The following CAPN3 variants were observed in gnomAD, a reference collection of about 807,000 sequenced individuals.
The protein encoded by CAPN3 is calpain-3.
In CAPN3, 88 loss-of-function variants were observed where a neutral mutation model predicts 114.0. The observed-to-expected ratio is 0.77, with a 90% CI of 0.65 to 0.92. CAPN3 has a LOEUF of 0.92. CAPN3 is among the 40% of genes least tolerant of loss of function. CAPN3 has a pLI of 0.00. For synonymous variants in CAPN3, 386 were observed against 382.9 expected (o/e 1.01, Z -0.09); for missense variants, 1,028 against 1,069.0 (o/e 0.96, Z 0.53).
At chr15:42,380,368 CTTTTTTTTTTTTTTT>C (rs776441239) in intron 1 of CAPN3, among the ~76,000 whole-genome samples, 1 of 46,108 alleles carries the variant, frequency 2.2e-5, no homozygotes, top group Non-Finnish European at 3.8e-5. Context: ...TCTTTTTTGT[CTTTTTTTTTTTTTTT>C]TTTTTTTTTT....
intron 15 of CAPN3, 116 bp from the exon 16 acceptor site, chr15:42,408,095 G>A (rs1452855195): frequency 1.1e-5 from 8 of 706,822 alleles, no homozygotes; most frequent in East Asian, 5.6e-5. Context: ...AAGAGCTCCC[G>A]CCTATTCCTT....
At chr15:42,384,644 G>A in intron 2 of CAPN3, 92 bp downstream of exon 2, 1 of 963,370 alleles carries the variant, frequency 1.0e-6, no homozygotes, top group Non-Finnish European at 1.7e-6. Context: ...GACAATCTGT[G>A]CTTGCTTCCA....
chr15:42,410,899 A>C lies in CAPN3; in HGVS notation c.2279A>C (p.Asn760Thr). The C allele has an allele frequency of 6.2e-7, 1 of 1,614,024 alleles. No homozygotes were observed. The change falls in exon 22 of 24, where the codon AAC becomes ACC. Residue 760 changes from asparagine to threonine, a missense_variant. Asn to Thr is a moderately conservative substitution (Grantham distance 65, BLOSUM62 0). Coordinates refer to ENST00000397163, the MANE Select transcript of CAPN3 (RefSeq NM_000070.3). ...AVNDAGFHLN[N>T]QLYDIITMRY... Reference sequence around the variant, plus strand: ...CCCTCCACAGGATTCCACCTCAACAACCAGCTCTATGACATCATTACCATG... The same window carrying C: ...CCCTCCACAGGATTCCACCTCAACACCCAGCTCTATGACATCATTACCATG...
At chr15:42,401,956 A>G (rs2053884777) in intron 11 of CAPN3, 146 bp downstream of exon 11, 3 of 1,335,776 alleles carry the variant, frequency 2.2e-6, no homozygotes, top group Non-Finnish European at 3.2e-6. Flanking sequence ...GTTTGTAACA[A>G]GCAAAAAATA....
chr15:42,392,514 T>C, intron 6 of CAPN3, 125 bp from the exon 7 acceptor site: 1 of 744,570 alleles, frequency 1.3e-6, no homozygotes, highest in Non-Finnish European at 2.4e-6. Context: ...GAGGCACACT[T>C]TCAGGGAGCA....
intron 1 of CAPN3, 41 bp downstream of exon 1, chr15:42,360,155 GGA>G (rs1566966163): frequency 6.2e-7 from 1 of 1,612,732 alleles, no homozygotes. Flanking sequence ...TTCCCCCCAC[GGA>G]GGAGTCCTCT....
rs926738758 is a variant in CAPN3 at position 42,401,149 on chromosome 15, G to A, written c.1355-492G>A. ...GCGGAGGCTGCAGTGAGCCGAGATC[G>A]CGCCACTGCACTCTAGCCTGGGCAA... On this transcript the variant is annotated intron_variant, in intron 10 of 23. Coordinates refer to ENST00000397163, the MANE Select transcript of CAPN3 (RefSeq NM_000070.3). 5.3e-5 allele frequency among the ~76,000 whole-genome samples: 8 copies of A among 151,428 alleles called. No homozygotes were observed. The East Asian group carries it at 7.9e-4, about 15-fold the overall frequency.
intron 10 of CAPN3, 62 bp downstream of exon 10, chr15:42,399,714 T>A: frequency 7.5e-7 from 1 of 1,334,472 alleles, no homozygotes; most frequent in African/African-American, 1.5e-5. Context: ...AGAAGAAGCC[T>A]AACTAGTGCT....
chr15:42,376,942 TA>T (rs2053104201), intron 1 of CAPN3, among the ~76,000 whole-genome samples: 1 of 152,230 alleles, frequency 6.6e-6, no homozygotes, highest in Non-Finnish European at 1.5e-5. Flanking sequence ...ATAAAAGGAA[TA>T]TTTTTAAATT....
intron 1 of CAPN3, chr15:42,374,108 A>G (rs535145829): frequency 6.5e-6 from 1 of 152,790 alleles, no homozygotes; most frequent in South Asian, 2.1e-4. Context: ...AGTTGCCCCT[A>G]GACCACGGGC....
intron 6 of CAPN3, 93 bp downstream of exon 6, chr15:42,390,189 T>C (rs2053519007): frequency 7.1e-7 from 1 of 1,406,396 alleles, no homozygotes; most frequent in African/African-American, 1.4e-5. Context: ...AGCCAGGGCC[T>C]TACCCACACA....
rs2141164979 is a variant in CAPN3, at chr15:42,387,866, G to A, written c.612G>A (p.Leu204=). 2 of 1,614,178 alleles carry A rather than the reference G, an allele frequency of 1.2e-6. No individual in the cohort carries two copies. The highest frequency in any genetic ancestry group is 1.7e-6 in the Non-Finnish European group (2 of 1,180,036). ...ACCGCAATGAGTTCTGGAGTGCTCT[G>A]CTGGAGAAGGCTTATGCTAAGTAAG... ...SNHRNEFWSA[L]LEKAYAKLHG... is the part of the protein sequence containing the mutation. Residue 204 remains leucine (L), a synonymous_variant, in exon 4 of 24, where the codon CTG becomes CTA. Transcript: ENST00000397163.
intron 2 of CAPN3, chr15:42,385,568 CAA>C (rs2053378519): frequency 2.2e-6 from 1 of 455,436 alleles, no homozygotes; most frequent in Admixed American, 2.3e-5. Context: ...AGAAAGAGAG[CAA>C]AGTGTTACCT....
At position 42,412,060 on chromosome 15, in the gene CAPN3, G is replaced by A. The variant is rs1455974189; in HGVS notation, c.*287G>A. The A allele has an allele frequency of 5.9e-6, 9 of 1,528,996 alleles. No individual in the cohort carries two copies. The highest frequency in any genetic ancestry group is 4.1e-5 in the African/African-American group (3 of 72,800). 94.7% of individuals were successfully genotyped at this position (1,528,996 alleles called of 1,614,324 possible). A position where few individuals can be genotyped will look rare whatever the true frequency, so the allele number is the denominator to read the frequency against. On this transcript the variant is annotated 3_prime_UTR_variant, in exon 24 of 24. Coordinates refer to ENST00000397163, the MANE Select transcript of CAPN3 (RefSeq NM_000070.3). Reference sequence around the variant, plus strand: ...GTCCGAGCCGCCTCGGTTCTGAAGCGAGTGCTCCTGCTTACCTTGCTCTAG... The same window carrying A: ...GTCCGAGCCGCCTCGGTTCTGAAGCAAGTGCTCCTGCTTACCTTGCTCTAG...
chr15:42,407,099 C>T (rs1358895334), intron 15 of CAPN3, among the ~76,000 whole-genome samples: 2 of 152,198 alleles, frequency 1.3e-5, no homozygotes, highest in Non-Finnish European at 2.9e-5. Flanking sequence ...GCTTTCCCTA[C>T]AGGTGCACCG....
At chr15:42,375,410 G>A (rs2053064105) in intron 1 of CAPN3, among the ~76,000 whole-genome samples, 1 of 152,018 alleles carries the variant, frequency 6.6e-6, no homozygotes, top group Non-Finnish European at 1.5e-5. Flanking sequence ...CTACCTTATG[G>A]CGCAACCGAG....
chr15:42,410,063 G>A (rs1481967264), intron 19 of CAPN3, 68 bp downstream of exon 19: 4 of 1,457,934 alleles, frequency 2.7e-6, no homozygotes, highest in Non-Finnish European at 3.8e-6. Flanking sequence ...AACATACAGG[G>A]TGCCCAGTCA....
chr15:42,412,212 A>C lies in CAPN3; in HGVS notation c.*439A>C. On this transcript the variant is annotated 3_prime_UTR_variant, in exon 24 of 24. Transcript: ENST00000397163. ...CACTGGGTTCTACTGCTGTGGGGTA[A>C]ACTAACTCAGTGGAATAGGGCTGGT... 1 of 1,534,730 alleles carries C rather than the reference A, an allele frequency of 6.5e-7. No homozygotes were observed. Among genetic ancestry groups the C allele is most frequent in the Non-Finnish European group, 8.7e-7 (1 of 1,145,752 alleles).
chr15:42,409,362 C>T lies in CAPN3; in HGVS notation c.1974C>T (p.Phe658=). The change falls in exon 17 of 24, where the codon TTC becomes TTT. Residue 658 remains phenylalanine (F), a synonymous_variant. Coordinates refer to ENST00000397163, the MANE Select transcript of CAPN3 (RefSeq NM_000070.3). ...SEEQQQFRNI[F]KQIAGDDMEI... is the part of the protein sequence containing the mutation. ...AACAGCAACAATTCCGGAACATTTTCAAGCAGATAGCAGGAGATGTGAGTA... is the reference window on the plus strand; with the variant it reads ...AACAGCAACAATTCCGGAACATTTTTAAGCAGATAGCAGGAGATGTGAGTA... 1 of 1,614,184 alleles carries T rather than the reference C, an allele frequency of 6.2e-7. No individual in the cohort carries two copies. Among genetic ancestry groups the T allele is most frequent in the Non-Finnish European group, 8.5e-7 (1 of 1,180,006 alleles).
Sources: gnomAD v4.1 joint callset for allele counts (sites outside exome capture counted in the v4.1 genomes callset) on GRCh38, gnomAD v4.1.1 for gene constraint, MANE v1.5 for transcripts, NCBI Gene and HGNC (gene_info 2026-07-23, HGNC 2026-07-21) for gene names.